The following HELB variants were observed in gnomAD, a reference collection of about 807,000 sequenced individuals.
HELB encodes the protein DNA 5'-3' helicase B.
In HELB, 96 loss-of-function variants were observed where a neutral mutation model predicts 101.7. The ratio of observed to expected loss-of-function variants is 0.94; its 90% CI spans 0.80 to 1.12. The LOEUF is 1.12. HELB is among the 50% of genes most tolerant of loss of function. The pLI is 0.00. For synonymous variants in HELB, 437 were observed against 459.7 expected (o/e 0.95, Z 0.63); for missense variants, 1,210 against 1,291.9 (o/e 0.94, Z 0.97).
chr12:66,311,292 T>A (rs1412306141), intron 4 of HELB, among the ~76,000 whole-genome samples: 5 of 152,074 alleles, frequency 3.3e-5, no homozygotes, highest in African/African-American at 1.2e-4. Context: ...GAGACCCCCA[T>A]CTCTACAAAC....
At chr12:66,319,097 A>C (rs943101012) in intron 7 of HELB, among the ~76,000 whole-genome samples, 1 of 152,234 alleles carries the variant, frequency 6.6e-6, no homozygotes, top group African/African-American at 2.4e-5. Context: ...AGGACAAAGC[A>C]AGTCTTAATT....
At chr12:66,327,488 GT>G (rs915932699) in intron 11 of HELB, among the ~76,000 whole-genome samples, 14 of 151,870 alleles carry the variant, frequency 9.2e-5, no homozygotes, top group African/African-American at 3.1e-4. Flanking sequence ...TTATAATCCA[GT>G]TTTTTTTAAT....
rs1199840446 is a variant in HELB at position 66,304,981 on chromosome 12, A to G, written c.438A>G (p.Thr146=). 1 of 1,613,948 alleles carries G rather than the reference A, an allele frequency of 6.2e-7. No homozygotes were observed. Among genetic ancestry groups the G allele is most frequent in the Non-Finnish European group, 8.5e-7 (1 of 1,180,000 alleles). The change falls in exon 2 of 13, where the codon ACA becomes ACG. Residue 146 remains threonine (T), a synonymous_variant. Transcript: ENST00000247815. ...GTGATGATGTTAATAAATTTTTAAC[A>G]TGGGTAAAGGAGGTATCAAACTACA... is the stretch of plus-strand genomic sequence containing the variant. The part of the protein sequence containing the change: ...VSSDDVNKFL[T]WVKEVSNYKN...
intron 1 of HELB, among the ~76,000 whole-genome samples, chr12:66,304,038 AAAGTTTC>A (rs1176474248): frequency 6.6e-6 from 1 of 152,244 alleles, no homozygotes; most frequent in Non-Finnish European, 1.5e-5. Context: ...TTTAGGCAGA[AAAGTTTC>A]AAGTATTTGT....
At chr12:66,326,462 C>T (rs1169047906) in intron 11 of HELB, among the ~76,000 whole-genome samples, 9 of 151,796 alleles carry the variant, frequency 5.9e-5, no homozygotes, top group African/African-American at 9.7e-5. Flanking sequence ...AGGCTGGTCT[C>T]GAACTCCTGA....
In HELB at chr12:66,303,784, A is replaced by G. The variant is rs117887738; in HGVS notation, c.188-947A>G. 4.1e-3 allele frequency among the ~76,000 whole-genome samples: 627 copies of G among 152,196 alleles called. 4 individuals are homozygous for G. The highest frequency in any genetic ancestry group is 5.9e-3 in the Non-Finnish European group (404 of 68,028). ...GTGCTATGAGGTAGTTTCCTGTGCT[A>G]TAAGTTATACCTGTTATGTATACTT... On this transcript the variant is annotated intron_variant, in intron 1 of 12. Coordinates refer to ENST00000247815, the MANE Select transcript of HELB (RefSeq NM_001370285.1).
intron 12 of HELB, among the ~76,000 whole-genome samples, chr12:66,336,153 C>G (rs1469239925): frequency 2.6e-5 from 4 of 152,118 alleles, no homozygotes; most frequent in African/African-American, 9.7e-5. Context: ...ATCAGACATT[C>G]AGAATATTGT....
rs753650085 is a variant in HELB, at chr12:66,310,562, G to A, written c.1634G>A (p.Gly545Asp). The A allele has an allele frequency of 3.1e-6, 5 of 1,614,074 alleles. No homozygotes were observed. The highest frequency in any genetic ancestry group is 4.2e-6 in the Non-Finnish European group (5 of 1,179,988). Residue 545 changes from glycine to aspartate, a missense_variant, in exon 4 of 13, where the codon GGC (glycine) becomes GAC (aspartate). Around this residue, in one of 2 missense-constraint regions of HELB, gnomAD observed 740 missense variants for 728.8 expected, o/e 1.02. Transcript: ENST00000247815. ...LLTAPTGKAAGLLRQKTGLHA... is the reference protein window; with the variant it reads ...LLTAPTGKAADLLRQKTGLHA... ...ACAGCACCTACAGGGAAAGCAGCTGGCTTACTAAGACAGAAAACTGGTCTT... is the reference window on the plus strand; with the variant it reads ...ACAGCACCTACAGGGAAAGCAGCTGACTTACTAAGACAGAAAACTGGTCTT...
At chr12:66,318,903 C>A (rs765845420) in intron 7 of HELB, 111 bp downstream of exon 7, 204 of 782,308 alleles carry the variant, frequency 2.6e-4, no homozygotes, top group Non-Finnish European at 3.8e-4. Context: ...AGAAATATTG[C>A]TAGCAAAAAA....
intron 3 of HELB, among the ~76,000 whole-genome samples, chr12:66,307,499 A>G (rs1034357100): frequency 6.6e-6 from 1 of 152,192 alleles, no homozygotes; most frequent in Non-Finnish European, 1.5e-5. Context: ...ATAACATTTT[A>G]TTATTAACAA....
chr12:66,335,801 G>A (rs982760015), intron 12 of HELB, among the ~76,000 whole-genome samples: 4 of 152,186 alleles, frequency 2.6e-5, no homozygotes, highest in African/African-American at 9.7e-5. Context: ...AGGAATGGGT[G>A]TAGTACGTTG....
intron 4 of HELB, among the ~76,000 whole-genome samples, chr12:66,313,212 A>T (rs558399703): frequency 1.3e-5 from 1 of 77,638 alleles, no homozygotes; most frequent in African/African-American, 3.6e-5. Flanking sequence ...GAAAAATTAG[A>T]TGAAGATGTG....
rs535276333 is a variant in HELB, at chr12:66,315,838, A to G, written c.2000+455A>G. Among the ~76,000 whole-genome samples the G allele has an allele frequency of 2.0e-5, 3 of 152,308 alleles. No individual in the cohort carries two copies. In the South Asian group the frequency reaches 6.2e-4, roughly 32 times the overall value. On this transcript the variant is annotated intron_variant, in intron 6 of 12. Coordinates refer to ENST00000247815, the MANE Select transcript of HELB (RefSeq NM_001370285.1). ...CACCCATGGCATCTTACTTCCCTTAAATAGAAAAGAACCCTTCTCTTCCCT... is the reference window on the plus strand; with the variant it reads ...CACCCATGGCATCTTACTTCCCTTAGATAGAAAAGAACCCTTCTCTTCCCT...
At chr12:66,337,889 G>C in intron 12 of HELB, 112 bp from the exon 13 acceptor site, 1 of 641,798 alleles carries the variant, frequency 1.6e-6, no homozygotes, top group Non-Finnish European at 2.7e-6. Context: ...GCCTTTCAAG[G>C]GTTGGGGAAG....
At chr12:66,306,825 C>A (rs1424058969) in intron 3 of HELB, among the ~76,000 whole-genome samples, 2 of 152,176 alleles carry the variant, frequency 1.3e-5, no homozygotes, top group Admixed American at 6.5e-5. Flanking sequence ...TGTCCTGTAA[C>A]TAAATTGTCA....
chr12:66,309,491 CTGTG>C (rs879723299), intron 3 of HELB, among the ~76,000 whole-genome samples: 11 of 151,996 alleles, frequency 7.2e-5, no homozygotes, highest in Admixed American at 2.0e-4. Flanking sequence ...ACTTTTAAAA[CTGTG>C]TGTTAGTGTG....
chr12:66,334,537 G>C (rs1294051686), intron 12 of HELB, among the ~76,000 whole-genome samples: 1 of 151,300 alleles, frequency 6.6e-6, no homozygotes, highest in Non-Finnish European at 1.5e-5. Flanking sequence ...CTCTTTGGGA[G>C]GCCAAGGTGG....
chr12:66,328,886 GACT>G (rs1437145721), intron 11 of HELB, among the ~76,000 whole-genome samples: 1 of 151,936 alleles, frequency 6.6e-6, no homozygotes, highest in Non-Finnish European at 1.5e-5. Context: ...TTTTTAATGA[GACT>G]ACTAGAAAAT....
chr12:66,311,978 A>G (rs901493320), intron 4 of HELB, among the ~76,000 whole-genome samples: 1 of 152,242 alleles, frequency 6.6e-6, no homozygotes, highest in Non-Finnish European at 1.5e-5. Context: ...ATCGAGGAAT[A>G]TGATCGTAGT....
Sources: allele counts gnomAD v4.1 joint callset (sites outside exome capture counted in the v4.1 genomes callset), GRCh38; gene constraint gnomAD v4.1.1; regional missense constraint gnomAD v4.1.1; transcripts MANE v1.5; gene names NCBI Gene and HGNC (gene_info 2026-07-23, HGNC 2026-07-21).